BCCIP: variants seen among roughly 807,000 people sequenced by gnomAD.
BCCIP encodes the protein BRCA2 and CDKN1A-interacting protein.
BCCIP carries 23 observed loss-of-function variants against 32.8 expected under a neutral mutation model. That is an observed-to-expected ratio of 0.70 (90% CI 0.51 to 0.99). The LOEUF is 0.99. BCCIP is among the 50% of genes least tolerant of loss of function. The pLI is 0.00. For missense variants in BCCIP, 378 were observed against 379.8 expected (o/e 1.00, Z 0.04); for synonymous variants, 144 against 137.6 (o/e 1.05, Z -0.33).
At chr10:125,828,711 T>A (rs1178723464) in intron 3 of BCCIP, among the ~76,000 whole-genome samples, 3 of 152,188 alleles carry the variant, frequency 2.0e-5, no homozygotes, top group Non-Finnish European at 4.4e-5. Context: ...ACCCCATAGC[T>A]TAGTGTCGTA....
At chr10:125,841,695 C>G (rs774237813) in exon 7 of BCCIP, 1 of 1,587,656 alleles carries the variant, frequency 6.3e-7, no homozygotes, top group Non-Finnish European at 8.5e-7. Context: ...TAAATCTATA[C>G]CTAGTGCAGA....
downstream of BCCIP, chr10:125,838,361 A>C (rs2134021234): frequency 6.3e-7 from 1 of 1,598,980 alleles, no homozygotes; most frequent in South Asian, 1.1e-5. Context: ...TTAAGTAGTT[A>C]CCTGATCCAT....
intron 7 of BCCIP, chr10:125,852,422 ATT>A: frequency 6.2e-7 from 1 of 1,614,152 alleles, no homozygotes; most frequent in Non-Finnish European, 8.5e-7. Flanking sequence ...TTGGAGGCAA[ATT>A]CTTCAGTGTA....
downstream of BCCIP, among the ~76,000 whole-genome samples, chr10:125,846,714 G>A (rs1006592327): frequency 7.9e-5 from 12 of 152,132 alleles, no homozygotes; most frequent in African/African-American, 1.7e-4. Flanking sequence ...TTTGTGCCAC[G>A]TGACAACACC....
chr10:125,850,730 T>C (rs1216588133), intron 7 of BCCIP, among the ~76,000 whole-genome samples: 1 of 152,224 alleles, frequency 6.6e-6, no homozygotes, highest in Non-Finnish European at 1.5e-5. Flanking sequence ...CTGTTTGTGT[T>C]TGGGTTCACT....
At chr10:125,838,427 A>T, downstream of BCCIP, 2 of 1,499,676 alleles carry the variant, frequency 1.3e-6, no homozygotes, top group Non-Finnish European at 1.8e-6. Context: ...TTTTGTATTA[A>T]TATGGAGATC....
intron 7 of BCCIP, among the ~76,000 whole-genome samples, chr10:125,850,175 T>A (rs903579580): frequency 6.6e-6 from 1 of 151,052 alleles, no homozygotes; most frequent in African/African-American, 2.4e-5. Flanking sequence ...TGGGGTCTTG[T>A]TATATTGCCC....
At chr10:125,852,238 CAGG>C (rs749852001) in intron 7 of BCCIP, 25 of 1,591,068 alleles carry the variant, frequency 1.6e-5, no homozygotes, top group South Asian at 1.2e-4. Context: ...AGAGAATGGG[CAGG>C]AGAAGGTGAA....
At position 125,836,431 on chromosome 10, in the gene BCCIP, T is replaced by G; in HGVS notation, c.*157T>G. ...CTCTGACACATTTACAAAATACCAGTTTTTTAAAATTTTGGTCAAATTATG... is the reference window on the plus strand; with the variant it reads ...CTCTGACACATTTACAAAATACCAGGTTTTTAAAATTTTGGTCAAATTATG... On this transcript the variant is annotated 3_prime_UTR_variant, in exon 7 of 7. Coordinates refer to ENST00000278100, the MANE Select transcript of BCCIP (RefSeq NM_078468.3). 1.4e-6 allele frequency: 2 copies of G among 1,436,836 alleles called. No homozygotes were observed. Among genetic ancestry groups the G allele is most frequent in the South Asian group, 3.2e-5 (2 of 63,456 alleles). 89.0% of individuals were successfully genotyped at this position (1,436,836 alleles called of 1,614,324 possible).
chr10:125,823,848 A>G, intron 1 of BCCIP, 126 bp downstream of exon 1: 1 of 1,375,350 alleles, frequency 7.3e-7, no homozygotes, highest in Non-Finnish European at 9.9e-7. Context: ...ACTGGAGATA[A>G]GTTCTTTCTC....
intron 5 of BCCIP, among the ~76,000 whole-genome samples, chr10:125,832,373 G>A (rs1854542168): frequency 6.6e-6 from 1 of 151,998 alleles, no homozygotes; most frequent in Non-Finnish European, 1.5e-5. Context: ...TTTCTCAGAG[G>A]TCATAGCCCT....
intron 4 of BCCIP, 48 bp from the exon 5 acceptor site, chr10:125,831,371 TC>T (rs1401580850): frequency 1.3e-6 from 2 of 1,568,362 alleles, no homozygotes; most frequent in Admixed American, 3.6e-5. Flanking sequence ...GGTTTTGTCC[TC>T]TATGTGATGG....
exon 7 of BCCIP, chr10:125,842,716 T>G (rs1854915704): frequency 7.0e-6 from 4 of 574,292 alleles, no homozygotes; most frequent in Non-Finnish European, 8.8e-6. Context: ...AGAGAAAAAT[T>G]AATCACAACT....
chr10:125,823,601 C>A lies in BCCIP; in HGVS notation c.44C>A (p.Pro15Gln). Residue 15 changes from proline to glutamine, a missense_variant, in exon 1 of 7, where the codon CCG (proline) becomes CAG (glutamine). Coordinates refer to ENST00000278100, the MANE Select transcript of BCCIP (RefSeq NM_078468.3). ...CGGCGTGCCGTGGAAAGTGGGGTTCCGCAGCCGCCGGATCCCCCAGTCCAG... is the reference window on the plus strand; with the variant it reads ...CGGCGTGCCGTGGAAAGTGGGGTTCAGCAGCCGCCGGATCCCCCAGTCCAG... ...SKRRAVESGV[P>Q]QPPDPPVQRD... is the part of the protein sequence containing the mutation. 2 of 1,613,982 alleles carry A rather than the reference C, an allele frequency of 1.2e-6. No homozygotes were observed. Among genetic ancestry groups the A allele is most frequent in the Non-Finnish European group, 1.7e-6 (2 of 1,179,962 alleles).
At chr10:125,832,167 A>G (rs1304044857) in intron 5 of BCCIP, among the ~76,000 whole-genome samples, 1 of 152,052 alleles carries the variant, frequency 6.6e-6, no homozygotes, top group Admixed American at 6.5e-5. Flanking sequence ...AGGACAAAAT[A>G]TAGGCAGATT....
exon 8 of BCCIP, chr10:125,853,686 A>G (rs987773079): frequency 3.1e-5 from 11 of 359,698 alleles, no homozygotes; most frequent in African/African-American, 2.1e-4. Flanking sequence ...AAAGATGACT[A>G]TCACCTTTAT....
exon 7 of BCCIP, chr10:125,842,147 T>A (rs2134028411): frequency 4.7e-6 from 3 of 636,902 alleles, no homozygotes; most frequent in East Asian, 7.0e-5. Context: ...CAGCTCATGC[T>A]CCGAGGAGGG....
At chr10:125,845,317 T>G (rs1426619883), downstream of BCCIP, among the ~76,000 whole-genome samples, 1 of 152,236 alleles carries the variant, frequency 6.6e-6, no homozygotes. Flanking sequence ...TATAACAATC[T>G]TTGGCCTACT....
chr10:125,828,662 G>T (rs572012354), intron 3 of BCCIP, among the ~76,000 whole-genome samples: 1 of 152,274 alleles, frequency 6.6e-6, no homozygotes, highest in African/African-American at 2.4e-5. Flanking sequence ...CTTATCATCT[G>T]GTGGTTCTTT....
Sources: allele counts gnomAD v4.1 joint callset (sites outside exome capture counted in the v4.1 genomes callset), GRCh38; gene constraint gnomAD v4.1.1; transcripts MANE v1.5; gene names NCBI Gene and HGNC (gene_info 2026-07-23, HGNC 2026-07-21).